The following GALNT13 variants were observed in gnomAD, a reference collection of about 807,000 sequenced individuals.
The protein encoded by GALNT13 is polypeptide N-acetylgalactosaminyltransferase 13.
In GALNT13, 28 loss-of-function variants were observed where a neutral mutation model predicts 64.2. That is an observed-to-expected ratio of 0.44 (90% CI 0.32 to 0.60). The LOEUF (loss-of-function observed/expected upper bound fraction) is 0.60. Among genes scored for constraint, GALNT13 ranks in the 20% least tolerant of loss-of-function variants. The pLI is 0.05. For missense variants in GALNT13, 577 were observed against 669.8 expected (o/e 0.86, Z 1.53); for synonymous variants, 214 against 224.6 (o/e 0.95, Z 0.42).
chr2:154,154,174 G>T (rs1338724312), intron 4 of GALNT13, among the ~76,000 whole-genome samples: 1 of 151,928 alleles, frequency 6.6e-6, no homozygotes, highest in Non-Finnish European at 1.5e-5. Flanking sequence ...TTAAACCTCA[G>T]CAAAAATTAG....
chr2:153,884,013 G>A (rs1686964504), intron 1 of GALNT13, among the ~76,000 whole-genome samples: 1 of 152,008 alleles, frequency 6.6e-6, no homozygotes, highest in South Asian at 2.1e-4. Context: ...TGGGAATTAG[G>A]TATGGGGACT....
the GALNT13 span, among the ~76,000 whole-genome samples, chr2:153,195,184 T>A: frequency 6.6e-6 from 1 of 152,044 alleles, no homozygotes; most frequent in Admixed American, 6.6e-5. Flanking sequence ...ATGGTAGTTG[T>A]GGTGATAGTG....
At chr2:153,728,751 TAAAG>T in the GALNT13 span, among the ~76,000 whole-genome samples, 1 of 151,842 alleles carries the variant, frequency 6.6e-6, no homozygotes, top group African/African-American at 2.4e-5. Flanking sequence ...GTCAGACTAA[TAAAG>T]AAGAAAAGAG....
At chr2:153,258,296 A>C in the GALNT13 span, among the ~76,000 whole-genome samples, 1 of 152,154 alleles carries the variant, frequency 6.6e-6, no homozygotes. Context: ...CCACCCACCA[A>C]GTTGTCCTTA....
chr2:154,115,253 A>AATAGTTTATTT (rs1703222172), intron 3 of GALNT13, among the ~76,000 whole-genome samples: 1 of 152,088 alleles, frequency 6.6e-6, no homozygotes. Flanking sequence ...ATTTTAGCTA[A>AATAGTTTATTT]CTAAGCAAAT....
At chr2:153,990,524 G>A (rs574716072) in intron 3 of GALNT13, among the ~76,000 whole-genome samples, 14 of 152,240 alleles carry the variant, frequency 9.2e-5, no homozygotes, top group Admixed American at 2.6e-4. Flanking sequence ...ATGAAAATAA[G>A]TCATTGGAGA....
chr2:154,256,787 A>C (rs1690400890), intron 7 of GALNT13, among the ~76,000 whole-genome samples: 1 of 152,174 alleles, frequency 6.6e-6, no homozygotes, highest in African/African-American at 2.4e-5. Flanking sequence ...TGAGCTGACT[A>C]TTCCCCTCTC....
the GALNT13 span, among the ~76,000 whole-genome samples, chr2:153,227,778 T>G: frequency 0.84 from 127,712 of 152,186 alleles, 54,838 homozygotes; most frequent in African/African-American, 0.93. Context: ...CTAAAACAAG[T>G]TAATAAAAAA....
chr2:154,393,799 C>T (rs1024876571), intron 9 of GALNT13, among the ~76,000 whole-genome samples: 3 of 152,070 alleles, frequency 2.0e-5, no homozygotes, highest in South Asian at 4.1e-4. Flanking sequence ...GTATGCAAGG[C>T]CGGGCGCGGT....
chr2:153,952,205 C>T (rs1415275531), intron 3 of GALNT13, among the ~76,000 whole-genome samples: 1 of 152,140 alleles, frequency 6.6e-6, no homozygotes, highest in Non-Finnish European at 1.5e-5. Flanking sequence ...CCCAATGATG[C>T]CACAGTGCAC....
the GALNT13 span, among the ~76,000 whole-genome samples, chr2:153,181,689 A>C: frequency 6.9e-6 from 1 of 145,936 alleles, no homozygotes; most frequent in Non-Finnish European, 1.5e-5. Flanking sequence ...AAATATATTT[A>C]TATAATTATA....
the GALNT13 span, among the ~76,000 whole-genome samples, chr2:153,821,709 T>C: frequency 6.6e-6 from 1 of 152,100 alleles, no homozygotes; most frequent in Admixed American, 6.6e-5. Context: ...CCAGAGCTAG[T>C]AGAAGAAAAC....
At chr2:153,267,664 C>G in the GALNT13 span, among the ~76,000 whole-genome samples, 1 of 152,176 alleles carries the variant, frequency 6.6e-6, no homozygotes, top group Non-Finnish European at 1.5e-5. Context: ...GGTCTCTGGA[C>G]TTGTGATGGG....
At chr2:153,291,031 G>A in the GALNT13 span, among the ~76,000 whole-genome samples, 1 of 152,074 alleles carries the variant, frequency 6.6e-6, no homozygotes. Flanking sequence ...TTCTTTGAAA[G>A]TCTTAGCAAA....
At chr2:153,484,385 G>C in the GALNT13 span, among the ~76,000 whole-genome samples, 2 of 151,994 alleles carry the variant, frequency 1.3e-5, no homozygotes, top group African/African-American at 4.8e-5. Flanking sequence ...CAGTTATATT[G>C]ATCTCGAATA....
the GALNT13 span, among the ~76,000 whole-genome samples, chr2:153,810,376 A>T: frequency 6.6e-6 from 1 of 152,148 alleles, no homozygotes; most frequent in East Asian, 1.9e-4. Context: ...CTTATTCTCC[A>T]TAGTCAGATT....
At chr2:154,112,793 A>T (rs1162091463) in intron 3 of GALNT13, among the ~76,000 whole-genome samples, 1 of 152,142 alleles carries the variant, frequency 6.6e-6, no homozygotes, top group Non-Finnish European at 1.5e-5. Context: ...CCATCTGTGA[A>T]GCATGTCCTA....
the GALNT13 span, among the ~76,000 whole-genome samples, chr2:153,445,893 C>T: frequency 6.6e-6 from 1 of 152,010 alleles, no homozygotes; most frequent in Non-Finnish European, 1.5e-5. Context: ...TTTGAAATTA[C>T]TGTTAAGGAG....
At chr2:153,796,607 G>A in the GALNT13 span, among the ~76,000 whole-genome samples, 1 of 152,018 alleles carries the variant, frequency 6.6e-6, no homozygotes, top group Admixed American at 6.6e-5. Flanking sequence ...AGCATTCTTG[G>A]CAGTATAGAA....
Sources: allele counts gnomAD v4.1 joint callset (sites outside exome capture counted in the v4.1 genomes callset), GRCh38; gene constraint gnomAD v4.1.1; transcripts MANE v1.5; gene names NCBI Gene and HGNC (gene_info 2026-07-23, HGNC 2026-07-21).